Variants in ZFAT observed in about 807,000 individuals in gnomAD.
The protein encoded by ZFAT is zinc finger protein ZFAT.
A neutral mutation model predicts 117.7 loss-of-function variants in ZFAT; 64 were observed. That is an observed-to-expected ratio of 0.54 (90% confidence interval 0.44 to 0.67). The LOEUF is 0.67. Among genes scored for constraint, ZFAT ranks in the 30% least tolerant of loss-of-function variants. The pLI, the probability that ZFAT is intolerant of heterozygous loss-of-function variation, is 0.00. For missense variants in ZFAT, 1,433 were observed against 1,584.5 expected (o/e 0.90, Z 1.62); for synonymous variants, 679 against 615.0 (o/e 1.10, Z -1.54).
intron 7 of ZFAT, among the ~76,000 whole-genome samples, chr8:134,590,572 C>A (rs28569271): frequency 6.6e-6 from 1 of 151,172 alleles, no homozygotes; most frequent in Non-Finnish European, 1.5e-5. Context: ...ACTACTACCA[C>A]CATCATCACC....
intron 10 of ZFAT, among the ~76,000 whole-genome samples, chr8:134,574,416 C>A (rs2241893): frequency 6.6e-6 from 1 of 151,572 alleles, no homozygotes; most frequent in Non-Finnish European, 1.5e-5. Flanking sequence ...ACAGTATGTG[C>A]GGCACCTGTT....
chr8:134,639,896 A>C (rs1830487269), intron 2 of ZFAT: 1 of 417,394 alleles, frequency 2.4e-6, no homozygotes, highest in African/African-American at 2.1e-5. Flanking sequence ...CTCCCCTGAA[A>C]CACTCTATGA....
At chr8:134,517,125 G>T (rs1270137044) in intron 13 of ZFAT, among the ~76,000 whole-genome samples, 1 of 151,998 alleles carries the variant, frequency 6.6e-6, no homozygotes, top group Non-Finnish European at 1.5e-5. Flanking sequence ...TTGCCCTTAG[G>T]TTACATCCCA....
intron 1 of ZFAT, among the ~76,000 whole-genome samples, chr8:134,683,548 A>T (rs1029961329): frequency 2.0e-5 from 3 of 152,180 alleles, no homozygotes; most frequent in African/African-American, 7.2e-5. Context: ...AGCTGGAGGA[A>T]GGAAAGGAGA....
chr8:134,813,384 C>T, the ZFAT span, among the ~76,000 whole-genome samples: 1 of 152,180 alleles, frequency 6.6e-6, no homozygotes, highest in Non-Finnish European at 1.5e-5. Context: ...ACCAGATCAC[C>T]TACCACATTA....
At chr8:134,528,812 G>C (rs1250653510) in intron 12 of ZFAT, among the ~76,000 whole-genome samples, 1 of 152,188 alleles carries the variant, frequency 6.6e-6, no homozygotes, top group Non-Finnish European at 1.5e-5. Context: ...GCCTAGCCCT[G>C]GTCCGCAACC....
At chr8:134,691,706 T>C (rs1156814281) in intron 1 of ZFAT, among the ~76,000 whole-genome samples, 1 of 152,348 alleles carries the variant, frequency 6.6e-6, no homozygotes. Context: ...CCTTGTAATA[T>C]GACCACGATT....
At chr8:134,545,338 T>A (rs1317288469) in intron 11 of ZFAT, among the ~76,000 whole-genome samples, 1 of 152,100 alleles carries the variant, frequency 6.6e-6, no homozygotes, top group African/African-American at 2.4e-5. Context: ...ATACTGAGAC[T>A]CTGTCTCTAC....
At position 134,590,301 on chromosome 8, in the gene ZFAT, A is replaced by G. The variant is rs369625269; in HGVS notation, c.2530T>C (p.Leu844=). 5.3e-5 allele frequency: 85 copies of G among 1,613,498 alleles called. 1 individual carries two copies. In the African/African-American group the frequency reaches 8.8e-4, roughly 17 times the overall value. The stretch of plus-strand genomic sequence containing the variant: ...TTGGTCTTGATATGTGACTTTATCA[A>G]TCGATCCTCTGAAAAAGACTTTTCA... ...VCEKSFSEDR[L]IKSHIKTNHP... is the part of the protein sequence containing the mutation. The change falls in exon 8 of 16, where the codon TTG becomes CTG. Residue 844 remains leucine (L), a synonymous_variant. Coordinates refer to ENST00000377838, the MANE Select transcript of ZFAT (RefSeq NM_020863.4).
At chr8:134,620,365 C>A (rs534531680) in intron 3 of ZFAT, among the ~76,000 whole-genome samples, 1 of 152,324 alleles carries the variant, frequency 6.6e-6, no homozygotes, top group East Asian at 1.9e-4. Flanking sequence ...TGAACGGCCC[C>A]ACTCCAGCCC....
the ZFAT span, among the ~76,000 whole-genome samples, chr8:134,826,008 G>A: frequency 9.6e-5 from 14 of 145,940 alleles, no homozygotes; most frequent in African/African-American, 3.1e-4. Flanking sequence ...GCGACAGAGC[G>A]AGACTCTGTC....
the ZFAT span, among the ~76,000 whole-genome samples, chr8:134,735,856 G>A: frequency 6.6e-6 from 1 of 152,072 alleles, no homozygotes; most frequent in East Asian, 1.9e-4. Flanking sequence ...TAATGCTAGT[G>A]TTACGCAAAA....
At chr8:134,805,172 T>G in the ZFAT span, among the ~76,000 whole-genome samples, 1 of 152,248 alleles carries the variant, frequency 6.6e-6, no homozygotes, top group African/African-American at 2.4e-5. Context: ...AAATTTATCT[T>G]GGTAAGTATG....
At chr8:134,584,115 T>C (rs1409030759) in intron 9 of ZFAT, 110 bp from the exon 10 acceptor site, 57 of 1,194,806 alleles carry the variant, frequency 4.8e-5, no homozygotes, top group Non-Finnish European at 6.4e-5. Flanking sequence ...TAGATATGTA[T>C]ATATAAAACA....
At chr8:134,748,745 A>C in the ZFAT span, among the ~76,000 whole-genome samples, 3 of 152,044 alleles carry the variant, frequency 2.0e-5, no homozygotes, top group Non-Finnish European at 2.9e-5. Flanking sequence ...AGTCTTTTTA[A>C]TTTTTACCAA....
chr8:134,602,253 A>C lies in ZFAT; in HGVS notation c.1466T>G (p.Val489Gly). 6.2e-7 allele frequency: 1 copy of C among 1,613,760 alleles called. No individual in the cohort carries two copies. Among genetic ancestry groups the C allele is most frequent in the Non-Finnish European group, 8.5e-7 (1 of 1,180,024 alleles). The stretch of plus-strand genomic sequence containing the variant: ...GCTCTGGTTGATGGAACTGGTGAAG[A>C]CCAAGGCCTCCTGGGCAGCCCCGTG... ...EVHGAAQEALVFTSSINQSFC... is the reference protein window; with the variant it reads ...EVHGAAQEALGFTSSINQSFC... The change falls in exon 6 of 16, where the codon GTC becomes GGC. Residue 489 changes from valine to glycine, a missense_variant. By Grantham distance (109) the Val-to-Gly change is moderately radical. Transcript: ENST00000377838.
intron 10 of ZFAT, among the ~76,000 whole-genome samples, chr8:134,581,362 G>A (rs1825697413): frequency 6.6e-6 from 1 of 152,168 alleles, no homozygotes; most frequent in African/African-American, 2.4e-5. Flanking sequence ...AAATAAAGCT[G>A]TACCGGCCCC....
At chr8:134,741,667 C>G in the ZFAT span, among the ~76,000 whole-genome samples, 1 of 152,100 alleles carries the variant, frequency 6.6e-6, no homozygotes. Flanking sequence ...TACGCTGAGG[C>G]CTCCTAAAGC....
chr8:134,739,702 G>A, the ZFAT span, among the ~76,000 whole-genome samples: 1 of 152,200 alleles, frequency 6.6e-6, no homozygotes. Context: ...CAAGGAAATA[G>A]ATAATTACAA....
Sources: allele counts gnomAD v4.1 joint callset (sites outside exome capture counted in the v4.1 genomes callset), GRCh38; gene constraint gnomAD v4.1.1; transcripts MANE v1.5; gene names NCBI Gene and HGNC (gene_info 2026-07-23, HGNC 2026-07-21).